The following NCKAP5 variants were observed in gnomAD, a reference collection of about 807,000 sequenced individuals.
NCKAP5 encodes the protein NCK associated protein 5, also known as nck-associated protein 5.
NCKAP5 carries 92 observed loss-of-function variants against 167.0 expected under a neutral mutation model. That is an observed-to-expected ratio of 0.55 (90% CI 0.47 to 0.66). The LOEUF (loss-of-function observed/expected upper bound fraction) is 0.66, where lower values mean the gene tolerates loss of function less well. Among genes scored for constraint, NCKAP5 ranks in the 30% least tolerant of loss-of-function variants. The pLI, the probability that NCKAP5 is intolerant of heterozygous loss-of-function variation, is 0.00. For missense variants in NCKAP5, 2,378 were observed against 2,315.0 expected (o/e 1.03, Z -0.56); for synonymous variants, 891 against 877.4 (o/e 1.02, Z -0.27).
At chr2:133,313,271 A>T (rs991547512) in intron 3 of NCKAP5, among the ~76,000 whole-genome samples, 1 of 152,128 alleles carries the variant, frequency 6.6e-6, no homozygotes, top group Admixed American at 6.5e-5. Context: ...AAATTCTACC[A>T]ATTGGGCATC....
intron 18 of NCKAP5, among the ~76,000 whole-genome samples, chr2:132,726,884 G>A (rs13385027): frequency 0.021 from 3,254 of 152,262 alleles, 86 homozygotes; most frequent in African/African-American, 0.073. Context: ...AGAAAGACAA[G>A]TCTACTGACT....
At chr2:132,758,959 T>C (rs899339461) in intron 16 of NCKAP5, among the ~76,000 whole-genome samples, 8 of 152,242 alleles carry the variant, frequency 5.3e-5, no homozygotes, top group Non-Finnish European at 5.9e-5. Flanking sequence ...TGTGCTCCTC[T>C]CTGATTACAT....
intron 16 of NCKAP5, among the ~76,000 whole-genome samples, chr2:132,769,499 C>T (rs996868506): frequency 6.9e-6 from 1 of 145,670 alleles, no homozygotes; most frequent in Non-Finnish European, 1.5e-5. Context: ...ACATGAAGAA[C>T]AGTGGTATTA....
chr2:132,689,065 A>C (rs544502894), intron 19 of NCKAP5, among the ~76,000 whole-genome samples: 1 of 150,800 alleles, frequency 6.6e-6, no homozygotes, highest in South Asian at 2.1e-4. Flanking sequence ...CTCCCTACCC[A>C]GAATGGAAGG....
chr2:133,376,936 C>G (rs1686185072), intron 3 of NCKAP5, among the ~76,000 whole-genome samples: 1 of 152,258 alleles, frequency 6.6e-6, no homozygotes, highest in South Asian at 2.1e-4. Flanking sequence ...AACCTTACAG[C>G]TCTGTAGAGA....
intron 5 of NCKAP5, among the ~76,000 whole-genome samples, chr2:133,172,475 A>C (rs1419358151): frequency 6.6e-6 from 1 of 152,180 alleles, no homozygotes; most frequent in Admixed American, 6.5e-5. Context: ...TGAGTTTATC[A>C]TATCTGTTTT....
intron 3 of NCKAP5, among the ~76,000 whole-genome samples, chr2:133,501,767 G>T (rs561273806): frequency 1.8e-3 from 281 of 152,274 alleles, no homozygotes; most frequent in Non-Finnish European, 3.0e-3. Flanking sequence ...TTTTCTAAAG[G>T]ATTAATTTGT....
intron 19 of NCKAP5, among the ~76,000 whole-genome samples, chr2:132,683,467 A>G (rs969832457): frequency 3.3e-5 from 5 of 152,164 alleles, no homozygotes; most frequent in Non-Finnish European, 7.4e-5. Context: ...GGCAGCTCTG[A>G]GCCATCTGGG....
At chr2:133,088,178 G>A (rs540104681) in intron 6 of NCKAP5, among the ~76,000 whole-genome samples, 7 of 152,306 alleles carry the variant, frequency 4.6e-5, no homozygotes, top group Middle Eastern at 6.8e-3. Context: ...TGATGTGTAA[G>A]AATCAAGTAA....
At chr2:132,758,808 G>A (rs1373255661) in intron 16 of NCKAP5, among the ~76,000 whole-genome samples, 3 of 152,084 alleles carry the variant, frequency 2.0e-5, no homozygotes, top group African/African-American at 2.4e-5. Context: ...GACGTGTTGC[G>A]TTTTGTTTTG....
chr2:133,350,227 C>T (rs1684268829), intron 3 of NCKAP5, among the ~76,000 whole-genome samples: 1 of 152,030 alleles, frequency 6.6e-6, no homozygotes. Context: ...GTGTGGGCAA[C>T]ATAGTGAGAT....
At chr2:133,560,073 A>T (rs1321684204) in intron 1 of NCKAP5, among the ~76,000 whole-genome samples, 1 of 152,236 alleles carries the variant, frequency 6.6e-6, no homozygotes, top group East Asian at 1.9e-4. Context: ...GGGAATAAAG[A>T]GGTACTCACA....
At chr2:133,211,077 G>T (rs6721004) in intron 5 of NCKAP5, among the ~76,000 whole-genome samples, 3 of 143,564 alleles carry the variant, frequency 2.1e-5, no homozygotes, top group African/African-American at 8.0e-5. Flanking sequence ...AGCCCTGCCC[G>T]CATGCAGTCC....
intron 4 of NCKAP5, among the ~76,000 whole-genome samples, chr2:133,283,617 T>TA (rs1391825139): frequency 6.6e-6 from 1 of 151,868 alleles, no homozygotes; most frequent in Non-Finnish European, 1.5e-5. Flanking sequence ...AAAGGATTTT[T>TA]TTTTTTTTTT....
intron 5 of NCKAP5, among the ~76,000 whole-genome samples, chr2:133,192,178 AAAGT>A (rs1559248200): frequency 6.6e-6 from 1 of 152,114 alleles, no homozygotes; most frequent in African/African-American, 2.4e-5. Context: ...CAAATATGCA[AAAGT>A]AATTCCATGT....
chr2:133,523,300 T>TCA (rs57259165), intron 2 of NCKAP5, among the ~76,000 whole-genome samples: 7,066 of 145,700 alleles, frequency 0.048, 421 homozygotes, highest in African/African-American at 0.14. Flanking sequence ...ATACACACAG[T>TCA]CACACACACA....
At chr2:133,539,719 G>A (rs535006987) in intron 2 of NCKAP5, among the ~76,000 whole-genome samples, 1 of 152,070 alleles carries the variant, frequency 6.6e-6, no homozygotes, top group Non-Finnish European at 1.5e-5. Flanking sequence ...TTATGCTGAT[G>A]AATCCACCTA....
At chr2:133,567,980 A>G (rs779098267) in intron 1 of NCKAP5, among the ~76,000 whole-genome samples, 1 of 152,176 alleles carries the variant, frequency 6.6e-6, no homozygotes, top group African/African-American at 2.4e-5. Context: ...GCCATTCAGT[A>G]TCTCCTTATC....
intron 3 of NCKAP5, among the ~76,000 whole-genome samples, chr2:133,455,760 T>G (rs912268158): frequency 6.6e-6 from 1 of 152,180 alleles, no homozygotes; most frequent in African/African-American, 2.4e-5. Context: ...CAAACTTATT[T>G]TTTTATACAA....
Sources: gnomAD v4.1 joint callset for allele counts (sites outside exome capture counted in the v4.1 genomes callset) on GRCh38, gnomAD v4.1.1 for gene constraint, MANE v1.5 for transcripts, NCBI Gene and HGNC (gene_info 2026-07-23, HGNC 2026-07-21) for gene names.